PCYT1B: variants seen among roughly 807,000 people sequenced by gnomAD.
The protein encoded by PCYT1B is phosphate cytidylyltransferase 1B, choline.
In PCYT1B, 10 loss-of-function variants were observed where a neutral mutation model predicts 26.4. That is an observed-to-expected ratio of 0.38 (90% CI 0.23 to 0.64). The LOEUF is 0.64. Ranked by LOEUF, PCYT1B falls within the 30% of genes least tolerant of loss-of-function variation. The pLI is 0.56. For synonymous variants in PCYT1B, 131 were observed against 108.4 expected (o/e 1.21, Z -1.29); for missense variants, 161 against 292.7 (o/e 0.55, Z 3.28).
intron 7 of PCYT1B, 69 bp from the exon 8 acceptor site, chrX:24,562,574 A>G (rs1923464706): frequency 1.0e-6 from 1 of 996,056 alleles, no homozygotes; most frequent in African/African-American, 1.9e-5. Flanking sequence ...ACAAAAAGGT[A>G]AGGCAGGCAG....
intron 3 of PCYT1B, among the ~76,000 whole-genome samples, chrX:24,606,069 A>G (rs1358416059): frequency 5.5e-5 from 6 of 108,954 alleles, no homozygotes; most frequent in Non-Finnish European, 1.1e-4. Context: ...AAAAAAAAAA[A>G]AAAAGAAAGT....
At chrX:24,634,578 T>C (rs1392695440) in intron 1 of PCYT1B, among the ~76,000 whole-genome samples, 1 of 110,720 alleles carries the variant, frequency 9.0e-6, no homozygotes, top group Non-Finnish European at 1.9e-5. Context: ...AAACCCCGTC[T>C]CTACTAAAAA....
chrX:24,658,303 C>G (rs1293377100), intron 1 of PCYT1B: 5 of 111,836 alleles, frequency 4.5e-5, no homozygotes, highest in South Asian at 3.7e-4. Context: ...AGAGAGACTC[C>G]GTTTAATCTT....
At chrX:24,579,186 C>T in intron 6 of PCYT1B, 130 bp downstream of exon 6, 1 of 367,132 alleles carries the variant, frequency 2.7e-6, no homozygotes, top group Admixed American at 5.3e-5. Flanking sequence ...CATCTCTACA[C>T]AAAAAAAAAA....
chrX:24,605,376 T>G (rs1236843892), intron 3 of PCYT1B, among the ~76,000 whole-genome samples: 2 of 111,665 alleles, frequency 1.8e-5, no homozygotes, highest in Non-Finnish European at 3.8e-5. Context: ...TCTGCACAAA[T>G]GTCACCTCCT....
chrX:24,653,445 T>G (rs913912935), intron 1 of PCYT1B, among the ~76,000 whole-genome samples: 3 of 111,436 alleles, frequency 2.7e-5, no homozygotes, highest in Non-Finnish European at 3.8e-5. Context: ...CCCCAAGAGC[T>G]CTCAACCAAT....
chrX:24,658,506 C>CTTTTTTTTTT (rs1203809740), intron 1 of PCYT1B, among the ~76,000 whole-genome samples: 1 of 58,861 alleles, frequency 1.7e-5, no homozygotes, highest in African/African-American at 6.2e-5. Flanking sequence ...TGTTTCATTG[C>CTTTTTTTTTT]TTTTTTTTTT....
intron 3 of PCYT1B, among the ~76,000 whole-genome samples, chrX:24,598,482 T>TACAC (rs1375362201): frequency 3.8e-4 from 40 of 106,575 alleles, no homozygotes; most frequent in African/African-American, 9.1e-4. Context: ...TTGATATATA[T>TACAC]ATACACACAC....
intron 1 of PCYT1B, among the ~76,000 whole-genome samples, chrX:24,660,605 G>A (rs1267281079): frequency 9.3e-6 from 1 of 107,335 alleles, no homozygotes; most frequent in Non-Finnish European, 1.9e-5. Flanking sequence ...TTGAACCCAG[G>A]AGGTGGAGGT....
chrX:24,649,263 G>A (rs1364482492), upstream of PCYT1B, among the ~76,000 whole-genome samples: 3 of 111,483 alleles, frequency 2.7e-5, no homozygotes, highest in Non-Finnish European at 5.7e-5. Context: ...CAAATGACAT[G>A]GTTATTCTAA....
chrX:24,598,185 T>C (rs1924845454), intron 3 of PCYT1B, among the ~76,000 whole-genome samples: 1 of 112,115 alleles, frequency 8.9e-6, no homozygotes, highest in Non-Finnish European at 1.9e-5. Flanking sequence ...TCATACGCAT[T>C]ACTTAAAAAG....
chrX:24,578,440 A>C (rs971458000), intron 6 of PCYT1B, among the ~76,000 whole-genome samples: 1 of 111,816 alleles, frequency 8.9e-6, no homozygotes, highest in African/African-American at 3.3e-5. Context: ...ATACCTATGT[A>C]ACAAACCTGC....
chrX:24,593,950 A>G, intron 3 of PCYT1B, among the ~76,000 whole-genome samples: 1 of 111,662 alleles, frequency 9.0e-6, no homozygotes. Flanking sequence ...TTCTATTATA[A>G]AAGTTTATAT....
At chrX:24,649,582 C>T, upstream of PCYT1B, among the ~76,000 whole-genome samples, 1 of 112,192 alleles carries the variant, frequency 8.9e-6, no homozygotes, top group Non-Finnish European at 1.9e-5. Flanking sequence ...ACCTAATTCT[C>T]TCTCCAGAAT....
At chrX:24,569,511 C>T (rs1206162200) in intron 7 of PCYT1B, among the ~76,000 whole-genome samples, 2 of 112,089 alleles carry the variant, frequency 1.8e-5, no homozygotes, top group Non-Finnish European at 3.8e-5. Context: ...AAACATCCAT[C>T]AATGGAACAA....
At chrX:24,619,634 C>G (rs1276604252) in intron 1 of PCYT1B, among the ~76,000 whole-genome samples, 1 of 112,225 alleles carries the variant, frequency 8.9e-6, no homozygotes, top group African/African-American at 3.2e-5. Flanking sequence ...TTCACACACA[C>G]CAGCTTGGCC....
intron 6 of PCYT1B, among the ~76,000 whole-genome samples, chrX:24,575,810 G>A (rs1354373898): frequency 1.8e-5 from 2 of 112,348 alleles, no homozygotes; most frequent in Non-Finnish European, 3.8e-5. Context: ...GAACCTATGT[G>A]TTATACTAAA....
chrX:24,576,935 G>A (rs1474451608), intron 6 of PCYT1B, among the ~76,000 whole-genome samples: 1 of 111,970 alleles, frequency 8.9e-6, no homozygotes, highest in East Asian at 2.8e-4. Flanking sequence ...CATATGATGA[G>A]TTCTTGGCAA....
chrX:24,579,199 A>AAT, intron 6 of PCYT1B, 117 bp downstream of exon 6: 2 of 475,811 alleles, frequency 4.2e-6, no homozygotes, highest in Non-Finnish European at 6.7e-6. Context: ...AAAAAAAAAA[A>AAT]AGAGAGAGAG....
Sources: gnomAD v4.1 joint callset for allele counts (sites outside exome capture counted in the v4.1 genomes callset) on GRCh38, gnomAD v4.1.1 for gene constraint, MANE v1.5 for transcripts, NCBI Gene and HGNC (gene_info 2026-07-23, HGNC 2026-07-21) for gene names.